FHIP1A: variants seen among roughly 807,000 people sequenced by gnomAD.
FHIP1A encodes FHF complex subunit HOOK interacting protein 1A.
In FHIP1A, 61 loss-of-function variants were observed where a neutral mutation model predicts 88.6. The ratio of observed to expected loss-of-function variants is 0.69; its 90% CI spans 0.56 to 0.85. The LOEUF (loss-of-function observed/expected upper bound fraction) is 0.85, where lower values mean the gene tolerates loss of function less well. Ranked by LOEUF, FHIP1A falls within the 40% of genes least tolerant of loss-of-function variation. FHIP1A has a pLI of 0.00. For synonymous variants in FHIP1A, 478 were observed against 496.0 expected, an observed-to-expected ratio of 0.96 and a Z score of 0.48; for missense variants, 1,154 against 1,273.5, an observed-to-expected ratio of 0.91 and a Z score of 1.43.
At chr4:151,524,791 CCTG>C in intron 3 of FHIP1A, among the ~76,000 whole-genome samples, 2 of 152,276 alleles carry the variant, frequency 1.3e-5, no homozygotes, top group South Asian at 4.1e-4. Context: ...GCAAGAGACA[CCTG>C]CTGAGTATCA....
intron 7 of FHIP1A, among the ~76,000 whole-genome samples, chr4:151,594,561 G>A (rs1267385439): frequency 1.3e-5 from 2 of 151,088 alleles, no homozygotes; most frequent in East Asian, 1.9e-4. Flanking sequence ...TCTGTGGGAT[G>A]AGTGGTGATA....
intron 1 of FHIP1A, among the ~76,000 whole-genome samples, chr4:151,426,536 TTTC>T (rs1394024026): frequency 2.6e-5 from 4 of 152,290 alleles, no homozygotes; most frequent in African/African-American, 9.6e-5. Context: ...ATAATCAATT[TTTC>T]TTCTTACTGA....
chr4:151,423,210 A>C (rs1474260248), intron 1 of FHIP1A, among the ~76,000 whole-genome samples: 4 of 152,210 alleles, frequency 2.6e-5, no homozygotes, highest in African/African-American at 7.2e-5. Flanking sequence ...TTTAAGAGAA[A>C]TGCCAGCATT....
At chr4:151,584,567 G>C (rs1275180336) in intron 5 of FHIP1A, among the ~76,000 whole-genome samples, 1 of 151,848 alleles carries the variant, frequency 6.6e-6, no homozygotes, top group East Asian at 1.9e-4. Context: ...CGTATGGCTT[G>C]AGGTCCCATC....
intron 3 of FHIP1A, among the ~76,000 whole-genome samples, chr4:151,503,954 C>G (rs1265878923): frequency 6.6e-6 from 1 of 152,172 alleles, no homozygotes; most frequent in Non-Finnish European, 1.5e-5. Context: ...TAGGAATGTC[C>G]CCTGGGTGCA....
chr4:151,418,172 T>TAAAAAAAAAA (rs1040622837), intron 1 of FHIP1A, among the ~76,000 whole-genome samples: 6 of 77,916 alleles, frequency 7.7e-5, no homozygotes, highest in Non-Finnish European at 9.4e-5. Flanking sequence ...AACCTATCTC[T>TAAAAAAAAAA]AAAAAAAAAA....
At chr4:151,568,061 T>G (rs1377483390) in intron 4 of FHIP1A, among the ~76,000 whole-genome samples, 1 of 152,218 alleles carries the variant, frequency 6.6e-6, no homozygotes, top group East Asian at 1.9e-4. Context: ...GTGGGTCATC[T>G]GCCCTGTCAG....
rs1278794599 is a variant in FHIP1A, at chr4:151,509,615, TA to T, written c.-123+26970del. On this transcript the variant is annotated intron_variant, in intron 3 of 13. Coordinates refer to ENST00000435205, the MANE Select transcript of FHIP1A (RefSeq NM_001109977.3). ...TTGTCATTCTCAGCTGACACATAAG[TA>T]AATAGTGGTCGGGGCAGGGAATAAT... Among the ~76,000 whole-genome samples, 9 of 152,110 alleles carry T rather than the reference TA, an allele frequency of 5.9e-5. No individual in the cohort carries two copies. In the East Asian group the frequency reaches 1.7e-3, roughly 29 times the overall value.
intron 3 of FHIP1A, among the ~76,000 whole-genome samples, chr4:151,560,535 CT>C (rs1257249669): frequency 6.6e-6 from 1 of 152,102 alleles, no homozygotes; most frequent in African/African-American, 2.4e-5. Context: ...CCCTATAGAA[CT>C]TGTCAGATCA....
Position 151,656,762 on chromosome 4 carries a change from C to G in FHIP1A, c.2733C>G (p.Val911=), listed in dbSNP as rs1737257046. The G allele has an allele frequency of 4.5e-6, 7 of 1,550,336 alleles. No homozygotes were observed. Among genetic ancestry groups the G allele is most frequent in the Non-Finnish European group, 6.1e-6 (7 of 1,146,516 alleles). ...ATCAGTAATGCTGTTTTTGACAGGT[C>G]CTTGCATCTGTGAAAAACAAGATTG... ...FQPSVRSLYQ[V]LASVKNKIEQ... The change falls in exon 13 of 14, where the codon GTC becomes GTG. Residue 911 remains valine, a splice_region_variant and synonymous_variant. Coordinates refer to ENST00000435205, the MANE Select transcript of FHIP1A (RefSeq NM_001109977.3). This position sits in a 1 kb window ranked among gnomAD's most constrained non-coding sequence, Gnocchi z 4.2.
In FHIP1A at chr4:151,469,548, C is replaced by T. The variant is rs143206863; in HGVS notation, c.-247-12976C>T. On this transcript the variant is annotated intron_variant, in intron 2 of 13. Coordinates refer to ENST00000435205, the MANE Select transcript of FHIP1A (RefSeq NM_001109977.3). ...CATCACATAAAAGCTTGGACACTCC[C>T]ACTACACTCACGTTCTGGTTGCTTC... is the stretch of plus-strand genomic sequence containing the variant. Among the ~76,000 whole-genome samples the T allele has an allele frequency of 3.0e-3, 459 of 152,266 alleles. 2 individuals carry two copies. Among genetic ancestry groups the T allele is most frequent in the African/African-American group, 9.6e-3 (399 of 41,550 alleles).
At chr4:151,552,249 A>T (rs1363241640) in intron 3 of FHIP1A, among the ~76,000 whole-genome samples, 1 of 152,232 alleles carries the variant, frequency 6.6e-6, no homozygotes, top group Non-Finnish European at 1.5e-5. Flanking sequence ...TAGTTCAACC[A>T]TTGTGGAAGA....
chr4:151,551,014 T>G (rs1186822972), intron 3 of FHIP1A, among the ~76,000 whole-genome samples: 1 of 152,180 alleles, frequency 6.6e-6, no homozygotes, highest in African/African-American at 2.4e-5. Context: ...GGGGGAGGGC[T>G]TAATCACGGG....
chr4:151,599,453 GA>G (rs1463695788), intron 7 of FHIP1A, among the ~76,000 whole-genome samples: 5 of 138,116 alleles, frequency 3.6e-5, no homozygotes, highest in Non-Finnish European at 6.6e-5. Context: ...GAGAAAATAG[GA>G]GCAAGATGGG....
Position 151,650,428 on chromosome 4 carries a change from A to AG in FHIP1A, c.2389dup (p.Glu797GlyfsTer11). On this transcript the variant is annotated frameshift_variant, in exon 11 of 14. Coordinates refer to ENST00000435205, the MANE Select transcript of FHIP1A (RefSeq NM_001109977.3). LOFTEE classifies it high-confidence loss of function. ...GGGAAGGAAGAGAGTAAAGGAGAAA[A>AG]GGAGAAGGAGGGGAAGAAGGAGCTA... 1 of 1,551,656 alleles carries AG rather than the reference A, an allele frequency of 6.4e-7. No individual in the cohort carries two copies. Among genetic ancestry groups the AG allele is most frequent in the Non-Finnish European group, 8.7e-7 (1 of 1,146,904 alleles).
chr4:151,468,242 G>A (rs569326669), intron 2 of FHIP1A, among the ~76,000 whole-genome samples: 30 of 132,018 alleles, frequency 2.3e-4, no homozygotes, highest in Non-Finnish European at 3.8e-4. Flanking sequence ...CCGAGATTGC[G>A]CCACTGCACT....
intron 3 of FHIP1A, among the ~76,000 whole-genome samples, chr4:151,539,278 C>T (rs1732182103): frequency 6.6e-6 from 1 of 152,176 alleles, no homozygotes; most frequent in African/African-American, 2.4e-5. Context: ...CAACTGACTT[C>T]TTTTTATAGT....
At chr4:151,605,426 AATG>A (rs1735034807) in intron 7 of FHIP1A, among the ~76,000 whole-genome samples, 1 of 152,210 alleles carries the variant, frequency 6.6e-6, no homozygotes, top group African/African-American at 2.4e-5. Context: ...AGGCATTCGC[AATG>A]ATAACTGTGA....
rs187284934 is a variant in FHIP1A, at chr4:151,594,085, C to A, written c.978+5159C>A. The stretch of plus-strand genomic sequence containing the variant: ...GGTTTATTGATTTGCATATGTTGAA[C>A]CAGCCTTGCATCCCAGGGATGAAGC... On this transcript the variant is annotated intron_variant, in intron 7 of 13. Transcript: ENST00000435205. Among the ~76,000 whole-genome samples, 6 of 148,384 alleles carry A rather than the reference C, an allele frequency of 4.0e-5. No homozygotes were observed. The East Asian group carries it at 9.6e-4, about 24-fold the overall frequency.
Sources: gnomAD v4.1 joint callset for allele counts (sites outside exome capture counted in the v4.1 genomes callset) on GRCh38, gnomAD v4.1.1 for gene constraint, Gnocchi (gnomAD v3.1) non-coding constraint, MANE v1.5 for transcripts, NCBI Gene and HGNC (gene_info 2026-07-23, HGNC 2026-07-21) for gene names.